RIT2: variants seen among roughly 807,000 people sequenced by gnomAD.
The protein encoded by RIT2 is Ras like without CAAX 2, also known as GTP-binding protein Rit2.
Under a neutral mutation model 23.7 loss-of-function variants are expected in RIT2, and 24 were observed. The ratio of observed to expected loss-of-function variants is 1.01; its 90% CI spans 0.73 to 1.43. The LOEUF is 1.43. Among genes scored for constraint, RIT2 ranks in the 40% most tolerant of loss-of-function variants. RIT2 has a pLI of 0.00. For synonymous variants in RIT2, 107 were observed against 91.1 expected, an observed-to-expected ratio of 1.17 and a Z score of -0.99; for missense variants, 236 against 266.9, an observed-to-expected ratio of 0.88 and a Z score of 0.81.
Position 42,875,292 on chromosome 18 carries a change from T to C in RIT2, c.426+48280A>G, listed in dbSNP as rs187892247. Among the ~76,000 whole-genome samples the C allele has an allele frequency of 2.2e-4, 33 of 152,078 alleles. 1 individual carries two copies. The East Asian group carries it at 6.0e-3, about 28-fold the overall frequency. Reference sequence around the variant, plus strand: ...ACTTTACCCCTCGGGCAAGTTACTTTATTTTTTCTAAGCCCCAGTTGCCTT... The same window carrying C: ...ACTTTACCCCTCGGGCAAGTTACTTCATTTTTTCTAAGCCCCAGTTGCCTT... On this transcript the variant is annotated intron_variant, in intron 4 of 4. Coordinates refer to ENST00000326695, the MANE Select transcript of RIT2 (RefSeq NM_002930.4).
chr18:43,069,677 CTT>C (rs1912854648), intron 1 of RIT2, among the ~76,000 whole-genome samples: 1 of 152,082 alleles, frequency 6.6e-6, no homozygotes, highest in Admixed American at 6.6e-5. Context: ...TCTTATGACA[CTT>C]AATATAAAAT....
intron 4 of RIT2, among the ~76,000 whole-genome samples, chr18:42,918,391 A>T (rs1046358805): frequency 2.6e-5 from 4 of 152,134 alleles, no homozygotes; most frequent in African/African-American, 9.7e-5. Context: ...ATTAAATAAC[A>T]TATTACAAAA....
intron 1 of RIT2, among the ~76,000 whole-genome samples, chr18:43,046,648 T>C (rs956027745): frequency 2.0e-5 from 3 of 152,196 alleles, no homozygotes. Flanking sequence ...TCTAGAGCAG[T>C]GGTTCTTAAA....
intron 3 of RIT2, among the ~76,000 whole-genome samples, chr18:42,936,803 G>GGAGT (rs1317511465): frequency 1.3e-5 from 2 of 152,096 alleles, no homozygotes; most frequent in Admixed American, 1.3e-4. Context: ...CCTGAGATCA[G>GGAGT]GAGTTCGAGA....
chr18:43,048,317 C>T (rs764941493), intron 1 of RIT2, among the ~76,000 whole-genome samples: 9 of 152,070 alleles, frequency 5.9e-5, no homozygotes, highest in Non-Finnish European at 1.2e-4. Context: ...TGGTTCTCTG[C>T]TGATATAAAT....
At chr18:42,891,656 G>A (rs1381752567) in intron 4 of RIT2, among the ~76,000 whole-genome samples, 1 of 152,088 alleles carries the variant, frequency 6.6e-6, no homozygotes, top group Non-Finnish European at 1.5e-5. Flanking sequence ...AAGGCTACAT[G>A]CTGTATAATT....
At chr18:42,895,749 C>A (rs1277241132) in intron 4 of RIT2, among the ~76,000 whole-genome samples, 1 of 152,132 alleles carries the variant, frequency 6.6e-6, no homozygotes, top group Non-Finnish European at 1.5e-5. Context: ...GCATAGAGTG[C>A]AAAATCTGAC....
intron 1 of RIT2, among the ~76,000 whole-genome samples, chr18:43,037,940 C>A (rs930660564): frequency 6.6e-5 from 10 of 152,044 alleles, no homozygotes; most frequent in African/African-American, 2.4e-4. Flanking sequence ...CGCCGTGGCT[C>A]ATGCCTGTAA....
intron 4 of RIT2, among the ~76,000 whole-genome samples, chr18:42,879,444 T>C (rs776656102): frequency 6.6e-6 from 1 of 152,168 alleles, no homozygotes; most frequent in Non-Finnish European, 1.5e-5. Flanking sequence ...TGCTTCACTG[T>C]TTTTAAAATT....
chr18:42,756,223 G>C (rs1215443098), intron 4 of RIT2, among the ~76,000 whole-genome samples: 1 of 152,152 alleles, frequency 6.6e-6, no homozygotes, highest in Non-Finnish European at 1.5e-5. Context: ...CCTATTTCTT[G>C]AGCGCCTACT....
intron 1 of RIT2, among the ~76,000 whole-genome samples, chr18:43,038,293 G>A (rs1401627884): frequency 1.5e-4 from 21 of 142,562 alleles, no homozygotes; most frequent in Admixed American, 4.9e-4. Context: ...TTAATTTCTA[G>A]AACTTTTTAT....
At chr18:42,866,640 G>GA (rs372644436) in intron 4 of RIT2, among the ~76,000 whole-genome samples, 18,736 of 135,994 alleles carry the variant, frequency 0.14, 1,215 homozygotes, top group Middle Eastern at 0.26. Context: ...GTGCTGTCAG[G>GA]AAAAAAAAAA....
At chr18:42,882,880 T>G (rs895973590) in intron 4 of RIT2, among the ~76,000 whole-genome samples, 4 of 152,210 alleles carry the variant, frequency 2.6e-5, no homozygotes, top group Non-Finnish European at 5.9e-5. Flanking sequence ...ATTTGTAGAT[T>G]TATGATACGC....
chr18:43,101,231 A>G (rs935520645), intron 1 of RIT2, among the ~76,000 whole-genome samples: 27 of 152,110 alleles, frequency 1.8e-4, no homozygotes, highest in Non-Finnish European at 1.9e-4. Context: ...AGAATTGCTA[A>G]ACCATCTGAT....
intron 2 of RIT2, among the ~76,000 whole-genome samples, chr18:43,031,343 A>G (rs1172242463): frequency 6.6e-6 from 1 of 151,562 alleles, no homozygotes; most frequent in Non-Finnish European, 1.5e-5. Flanking sequence ...TAGATGCCAC[A>G]AAACCAAACT....
intron 3 of RIT2, among the ~76,000 whole-genome samples, chr18:42,961,377 A>G (rs1224021726): frequency 1.3e-5 from 2 of 152,230 alleles, no homozygotes; most frequent in African/African-American, 4.8e-5. Flanking sequence ...AACTTATTGC[A>G]GGACGCATCA....
At chr18:42,857,219 C>T (rs887316654) in intron 4 of RIT2, among the ~76,000 whole-genome samples, 3 of 152,158 alleles carry the variant, frequency 2.0e-5, no homozygotes, top group Non-Finnish European at 4.4e-5. Flanking sequence ...TACAAGGTCA[C>T]GTTCCACAGC....
intron 4 of RIT2, among the ~76,000 whole-genome samples, chr18:42,764,590 T>A (rs1293915994): frequency 1.3e-5 from 2 of 152,230 alleles, no homozygotes; most frequent in African/African-American, 2.4e-5. Flanking sequence ...TAATTACACA[T>A]CTTTCCAGGT....
intron 4 of RIT2, chr18:42,920,741 C>A (rs1909034411): frequency 6.3e-7 from 1 of 1,595,902 alleles, no homozygotes; most frequent in East Asian, 2.2e-5. Flanking sequence ...TTCTTCCCTT[C>A]CAAACTCTTT....
Sources: allele counts gnomAD v4.1 joint callset (sites outside exome capture counted in the v4.1 genomes callset), GRCh38; gene constraint gnomAD v4.1.1; transcripts MANE v1.5; gene names NCBI Gene and HGNC (gene_info 2026-07-23, HGNC 2026-07-21).